Variants in ZNF678 observed in about 807,000 individuals in gnomAD.
ZNF678 encodes the protein zinc finger protein 678.
ZNF678 carries 5 observed loss-of-function variants against 3.0 expected under a neutral mutation model. That is an observed-to-expected ratio of 1.69 (90% confidence interval 0.88 to 3.56). The LOEUF (loss-of-function observed/expected upper bound fraction) is 3.56. ZNF678 is among the 30% of genes most tolerant of loss of function. The pLI, the probability that ZNF678 is intolerant of heterozygous loss-of-function variation, is 0.00. For missense variants in ZNF678, 593 were observed against 605.0 expected (o/e 0.98, Z 0.21); for synonymous variants, 218 against 199.6 (o/e 1.09, Z -0.78).
chr1:227,645,124 C>T (rs1658922378), intron 1 of ZNF678, among the ~76,000 whole-genome samples: 2 of 152,174 alleles, frequency 1.3e-5, no homozygotes, highest in Non-Finnish European at 2.9e-5. Flanking sequence ...GCTCATTGTT[C>T]CTGTCCTGTA....
chr1:227,671,274 C>T (rs1659597193), intron 5 of ZNF678, among the ~76,000 whole-genome samples: 1 of 151,792 alleles, frequency 6.6e-6, no homozygotes, highest in Non-Finnish European at 1.5e-5. Context: ...GAGACAGGAC[C>T]TTGCCATGTT....
At chr1:227,637,645 T>C (rs575153362) in intron 1 of ZNF678, among the ~76,000 whole-genome samples, 1 of 152,184 alleles carries the variant, frequency 6.6e-6, no homozygotes, top group Admixed American at 6.5e-5. Flanking sequence ...TGAGAGCCTT[T>C]TGGAGTAGAT....
intron 1 of ZNF678, among the ~76,000 whole-genome samples, chr1:227,615,525 C>T (rs780651871): frequency 1.2e-4 from 18 of 152,182 alleles, no homozygotes; most frequent in Non-Finnish European, 2.2e-4. Context: ...CCTCCTGGTC[C>T]TCCTGTCCCA....
At chr1:227,677,840 A>G (rs1427769386), downstream of ZNF678, among the ~76,000 whole-genome samples, 1 of 152,154 alleles carries the variant, frequency 6.6e-6, no homozygotes, top group Non-Finnish European at 1.5e-5. Flanking sequence ...TGAGCTGGAG[A>G]CCCTTAAAGA....
intron 1 of ZNF678, among the ~76,000 whole-genome samples, chr1:227,585,333 C>T (rs1042057123): frequency 9.9e-5 from 15 of 152,026 alleles, no homozygotes; most frequent in Non-Finnish European, 2.2e-4. Flanking sequence ...AATTTAGTCC[C>T]AATTAAGTAG....
chr1:227,587,125 A>G (rs3010186), intron 1 of ZNF678, among the ~76,000 whole-genome samples: 72,698 of 152,060 alleles, frequency 0.48, 18,636 homozygotes, highest in African/African-American at 0.66. Flanking sequence ...AGCACTGTGG[A>G]AAGAGAAGTG....
chr1:227,624,790 C>T (rs930146449), intron 1 of ZNF678, among the ~76,000 whole-genome samples: 13 of 152,296 alleles, frequency 8.5e-5, no homozygotes, highest in Non-Finnish European at 1.5e-4. Flanking sequence ...TGATTGGGAG[C>T]GGCAGTGGGC....
downstream of ZNF678, among the ~76,000 whole-genome samples, chr1:227,663,493 T>G (rs1659450962): frequency 6.6e-6 from 1 of 152,222 alleles, no homozygotes; most frequent in African/African-American, 2.4e-5. Context: ...GTAGGATACC[T>G]TAACCTTTTT....
chr1:227,642,511 T>C (rs1306496285), intron 1 of ZNF678, among the ~76,000 whole-genome samples: 1 of 152,186 alleles, frequency 6.6e-6, no homozygotes, highest in Non-Finnish European at 1.5e-5. Context: ...TAGTTTTGTC[T>C]TTCCTCTTAC....
In ZNF678 at chr1:227,659,501, C is replaced by G. The variant is rs1336960439; in HGVS notation, c.*3673C>G. The G allele has an allele frequency of 6.6e-6, 1 of 152,130 alleles. No individual in the cohort carries two copies. Among genetic ancestry groups the G allele is most frequent in the Non-Finnish European group, 1.5e-5 (1 of 68,038 alleles). The allele number at this position is 152,130 out of a possible 1,614,324, so 9.4% of individuals were successfully genotyped here. A position where few individuals can be genotyped will look rare whatever the true frequency, so the allele number is the denominator to read the frequency against. ...ATGATCAGCATCAGCACCAGAAACT[C>G]CAGGTGTCCCAAACTTAAAGTGAAA... On this transcript the variant is annotated 3_prime_UTR_variant, in exon 4 of 4. Coordinates refer to ENST00000343776, the MANE Select transcript of ZNF678 (RefSeq NM_001367909.1).
chr1:227,609,954 C>T (rs776224178), intron 1 of ZNF678, among the ~76,000 whole-genome samples: 20 of 152,106 alleles, frequency 1.3e-4, no homozygotes, highest in African/African-American at 2.4e-5. Context: ...AGGATGGTCT[C>T]GATTTCCTGA....
downstream of ZNF678, among the ~76,000 whole-genome samples, chr1:227,664,863 T>C (rs993378612): frequency 7.9e-5 from 12 of 152,198 alleles, no homozygotes; most frequent in African/African-American, 2.4e-4. Context: ...CTCCCCACCA[T>C]GTCAGCTCCT....
rs751770859 is a variant in ZNF678, at chr1:227,660,394, A to G, written c.*4566A>G. 6 of 151,870 alleles carry G rather than the reference A, an allele frequency of 4.0e-5. No individual in the cohort carries two copies. The highest frequency in any genetic ancestry group is 7.4e-5 in the Non-Finnish European group (5 of 67,926). 9.4% of individuals were successfully genotyped at this position (151,870 alleles called of 1,614,324 possible). ...ATAAGGGATAACTTTTCATTTATTT[A>G]TGTTTAATTTTATACCTCAGTTTTC... is the stretch of plus-strand genomic sequence containing the variant. On this transcript the variant is annotated 3_prime_UTR_variant, in exon 4 of 4. Coordinates refer to ENST00000343776, the MANE Select transcript of ZNF678 (RefSeq NM_001367909.1).
At chr1:227,643,797 C>T (rs10047205) in intron 1 of ZNF678, among the ~76,000 whole-genome samples, 31,481 of 150,592 alleles carry the variant, frequency 0.21, 3,737 homozygotes, top group East Asian at 0.44. Flanking sequence ...ATATGCCACA[C>T]TTATTTCTGT....
chr1:227,574,164 T>G (rs1014716745), intron 1 of ZNF678, among the ~76,000 whole-genome samples: 4 of 152,156 alleles, frequency 2.6e-5, no homozygotes, highest in African/African-American at 7.2e-5. Flanking sequence ...AATAGAATGA[T>G]TTATATTCCT....
In ZNF678 at chr1:227,602,535, G is replaced by A. The variant is rs188548599; in HGVS notation, c.-164+38811G>A. ...ATATACCATAAGATAACAGTAATTC[G>A]TAGAGTGCAATTATTTTTAGTACTT... On this transcript the variant is annotated intron_variant, in intron 1 of 3. Coordinates refer to ENST00000343776, the MANE Select transcript of ZNF678 (RefSeq NM_001367909.1). 3.9e-5 allele frequency among the ~76,000 whole-genome samples: 6 copies of A among 152,254 alleles called. No homozygotes were observed. The South Asian group carries it at 6.2e-4, about 16-fold the overall frequency.
At position 227,651,093 on chromosome 1, in the gene ZNF678, A is replaced by G. The variant is rs1482083200; in HGVS notation, c.85+17A>G. On this transcript the variant is annotated intron_variant, in intron 3 of 3. Transcript: ENST00000343776. ...TTTATACAGGTAAAGATTTTATCCTATTGGGTCTCCAGGCTGATGAGATCT... is the reference window on the plus strand; with the variant it reads ...TTTATACAGGTAAAGATTTTATCCTGTTGGGTCTCCAGGCTGATGAGATCT... 1.2e-6 allele frequency: 2 copies of G among 1,611,408 alleles called. No individual in the cohort carries two copies. The highest frequency in any genetic ancestry group is 1.1e-5 in the South Asian group (1 of 90,838).
At chr1:227,574,720 A>G (rs528009476) in intron 1 of ZNF678, among the ~76,000 whole-genome samples, 2 of 152,216 alleles carry the variant, frequency 1.3e-5, no homozygotes, top group South Asian at 2.1e-4. Context: ...CGCCTTTGTC[A>G]TGAATTCTTG....
chr1:227,640,923 A>C (rs915867832), intron 1 of ZNF678, among the ~76,000 whole-genome samples: 34 of 152,346 alleles, frequency 2.2e-4, no homozygotes, highest in African/African-American at 7.9e-4. Context: ...AACGGAATCA[A>C]ATGGCTTGGA....
Sources: gnomAD v4.1 joint callset for allele counts (sites outside exome capture counted in the v4.1 genomes callset) on GRCh38, gnomAD v4.1.1 for gene constraint, MANE v1.5 for transcripts, NCBI Gene and HGNC (gene_info 2026-07-23, HGNC 2026-07-21) for gene names.